DOCK2: variants seen among roughly 807,000 people sequenced by gnomAD.
DOCK2 encodes dedicator of cytokinesis protein 2.
In DOCK2, 87 loss-of-function variants were observed where a neutral mutation model predicts 248.9. That is an observed-to-expected ratio of 0.35 (90% CI 0.29 to 0.42). The LOEUF (loss-of-function observed/expected upper bound fraction) is 0.42, where lower values mean the gene tolerates loss of function less well. DOCK2 is among the 10% of genes least tolerant of loss of function. The pLI, the probability that DOCK2 is intolerant of heterozygous loss-of-function variation, is 1.00. For synonymous variants in DOCK2, 805 were observed against 821.6 expected, an observed-to-expected ratio of 0.98 and a Z score of 0.35; for missense variants, 1,747 against 2,300.2, an observed-to-expected ratio of 0.76 and a Z score of 4.92.
In DOCK2 at chr5:169,859,430, A is replaced by G. The variant is rs138490747; in HGVS notation, c.2799+18578A>G. On this transcript the variant is annotated intron_variant, in intron 27 of 51. Coordinates refer to ENST00000520908, the MANE Select transcript of DOCK2 (RefSeq NM_004946.3). Reference sequence around the variant, plus strand: ...TTGTGCTGAATGCTGACAGTGTTGGATTAGGATTTGTCCCCCGCACTTTTT... The same window carrying G: ...TTGTGCTGAATGCTGACAGTGTTGGGTTAGGATTTGTCCCCCGCACTTTTT... Among the ~76,000 whole-genome samples, 47 of 152,328 alleles carry G rather than the reference A, an allele frequency of 3.1e-4. No individual in the cohort carries two copies. The East Asian group carries it at 8.7e-3, about 28-fold the overall frequency.
intron 44 of DOCK2, among the ~76,000 whole-genome samples, chr5:170,058,347 C>A (rs11134604): frequency 0.17 from 26,217 of 151,996 alleles, 2,390 homozygotes; most frequent in South Asian, 0.22. Flanking sequence ...GTTGTAAGAC[C>A]TAGAGATTCT....
intron 27 of DOCK2, among the ~76,000 whole-genome samples, chr5:169,906,327 G>C (rs1774276508): frequency 6.6e-6 from 1 of 152,190 alleles, no homozygotes; most frequent in African/African-American, 2.4e-5. Flanking sequence ...TCCCAAGCCA[G>C]TGTGTGCACA....
intron 27 of DOCK2, among the ~76,000 whole-genome samples, chr5:169,850,103 C>T (rs569063787): frequency 1.1e-4 from 17 of 152,132 alleles, no homozygotes; most frequent in South Asian, 2.1e-4. Context: ...GGGTGGGGAG[C>T]GGAAGCATCC....
chr5:169,912,202 G>T (rs1774634148), intron 27 of DOCK2, among the ~76,000 whole-genome samples: 1 of 151,936 alleles, frequency 6.6e-6, no homozygotes, highest in South Asian at 2.1e-4. Context: ...TTCAGTTATA[G>T]GCCAGGCTTT....
chr5:169,776,508 G>A (rs1300335083), intron 25 of DOCK2, among the ~76,000 whole-genome samples: 2 of 152,058 alleles, frequency 1.3e-5, no homozygotes. Context: ...TTTGCATGCT[G>A]TGTAATCTGA....
At chr5:169,811,614 G>A (rs1767764328) in intron 26 of DOCK2, among the ~76,000 whole-genome samples, 1 of 152,176 alleles carries the variant, frequency 6.6e-6, no homozygotes, top group Admixed American at 6.5e-5. Context: ...TGAGGCCAAT[G>A]GCACAACTTC....
chr5:169,983,699 G>C (rs1347846906), intron 28 of DOCK2, among the ~76,000 whole-genome samples: 1 of 152,122 alleles, frequency 6.6e-6, no homozygotes, highest in Admixed American at 6.5e-5. Context: ...CCCAAGGGTG[G>C]AGCAGAGCAC....
intron 32 of DOCK2, among the ~76,000 whole-genome samples, chr5:170,015,754 C>T (rs1196390750): frequency 6.6e-6 from 1 of 152,094 alleles, no homozygotes; most frequent in African/African-American, 2.4e-5. Flanking sequence ...GCTTGCCCAA[C>T]TTAATTCTCA....
In DOCK2 at chr5:169,695,842, T is replaced by C; in HGVS notation, c.883T>C (p.Leu295=). ...AGACCTCAACAGGGATAAAATTTAC[T>C]TGATTTGTCAAATAGTCCGGGTCGG... is the stretch of plus-strand genomic sequence containing the variant. ...NKDLNRDKIY[L]ICQIVRVGKM... The change falls in exon 10 of 52, where the codon TTG becomes CTG. Residue 295 remains leucine, a synonymous_variant. Transcript: ENST00000520908. 6.2e-7 allele frequency: 1 copy of C among 1,613,986 alleles called. No homozygotes were observed. Among genetic ancestry groups the C allele is most frequent in the Non-Finnish European group, 8.5e-7 (1 of 1,179,956 alleles).
At chr5:169,938,107 G>T (rs1018179743) in intron 27 of DOCK2, among the ~76,000 whole-genome samples, 1 of 152,222 alleles carries the variant, frequency 6.6e-6, no homozygotes, top group Non-Finnish European at 1.5e-5. Flanking sequence ...ACCAGCCATG[G>T]AGGTTATACT....
chr5:169,686,395 G>T (rs537439793), intron 8 of DOCK2, among the ~76,000 whole-genome samples: 7 of 152,240 alleles, frequency 4.6e-5, no homozygotes, highest in Non-Finnish European at 8.8e-5. Context: ...GTGCCACCTG[G>T]CAGGCCATGC....
At chr5:169,925,578 TTAA>T (rs757633934) in intron 27 of DOCK2, among the ~76,000 whole-genome samples, 7 of 32,316 alleles carry the variant, frequency 2.2e-4, no homozygotes, top group Admixed American at 3.5e-4. Flanking sequence ...AGACTCTGTC[TTAA>T]AAAAAAAAAA....
At position 169,864,344 on chromosome 5, in the gene DOCK2, G is replaced by C. The variant is rs747532181; in HGVS notation, c.2799+23492G>C. 3.9e-6 allele frequency: 6 copies of C among 1,551,472 alleles called. No homozygotes were observed. Among genetic ancestry groups the C allele is most frequent in the Middle Eastern group, 1.7e-4 (1 of 6,014 alleles). ...CTTAAGTCCTGCTTTTCCGGGGCTG[G>C]GGGTTCTGCTGGGGACTTTGGTGGG... On this transcript the variant is annotated intron_variant, in intron 27 of 51. Transcript: ENST00000520908.
At chr5:169,681,962 G>A in intron 7 of DOCK2, 83 bp downstream of exon 7, 1 of 1,554,886 alleles carries the variant, frequency 6.4e-7, no homozygotes, top group Non-Finnish European at 8.7e-7. Context: ...TAATGAACCA[G>A]ACTGTGTATT....
chr5:170,069,305 T>C (rs1757601848), intron 46 of DOCK2, 85 bp downstream of exon 46: 2 of 1,398,980 alleles, frequency 1.4e-6, no homozygotes, highest in Non-Finnish European at 1.0e-6. Context: ...AGGCTCTAGC[T>C]GAGGCAGCCT....
chr5:169,866,828 A>T (rs1479482706), intron 27 of DOCK2, among the ~76,000 whole-genome samples: 2 of 152,180 alleles, frequency 1.3e-5, no homozygotes, highest in African/African-American at 4.8e-5. Flanking sequence ...ACAGAAGAAG[A>T]CTTCTATGAC....
chr5:169,863,508 G>A, intron 27 of DOCK2, among the ~76,000 whole-genome samples: 1 of 152,186 alleles, frequency 6.6e-6, no homozygotes, highest in Non-Finnish European at 1.5e-5. Flanking sequence ...CAGGCCCTAG[G>A]CAGAGAAGAA....
rs375340017 is a variant in DOCK2, at chr5:170,069,712, G to A, written c.4728+492G>A. The stretch of plus-strand genomic sequence containing the variant: ...TTGAGGCCTTTGTGTGGGTGGTTGT[G>A]AGTCAAAGGGTCTACATCCCACACA... On this transcript the variant is annotated intron_variant, in intron 46 of 51. Coordinates refer to ENST00000520908, the MANE Select transcript of DOCK2 (RefSeq NM_004946.3). Among the ~76,000 whole-genome samples, 44 of 152,276 alleles carry A rather than the reference G, an allele frequency of 2.9e-4. No individual in the cohort carries two copies. The East Asian group carries it at 8.1e-3, about 28-fold the overall frequency.
intron 25 of DOCK2, among the ~76,000 whole-genome samples, chr5:169,767,088 G>T (rs1013636572): frequency 6.6e-6 from 1 of 152,214 alleles, no homozygotes; most frequent in African/African-American, 2.4e-5. Context: ...GCCATTTTGA[G>T]TGGCGAGAGA....
Sources: allele counts gnomAD v4.1 joint callset (sites outside exome capture counted in the v4.1 genomes callset), GRCh38; gene constraint gnomAD v4.1.1; transcripts MANE v1.5; gene names NCBI Gene and HGNC (gene_info 2026-07-23, HGNC 2026-07-21).